The following MARCHF1 variants were observed in gnomAD, a reference collection of about 807,000 sequenced individuals.
MARCHF1 encodes the protein E3 ubiquitin-protein ligase MARCHF1.
Under a neutral mutation model 54.2 loss-of-function variants are expected in MARCHF1, and 40 were observed. The observed-to-expected ratio is 0.74, with a 90% CI of 0.57 to 0.96. MARCHF1 has a LOEUF of 0.96. Ranked by LOEUF, MARCHF1 falls within the 40% of genes least tolerant of loss-of-function variation. The pLI, the probability that MARCHF1 is intolerant of heterozygous loss-of-function variation, is 0.00. For synonymous variants in MARCHF1, 236 were observed against 236.3 expected, an observed-to-expected ratio of 1.00 and a Z score of 0.01; for missense variants, 586 against 656.5, an observed-to-expected ratio of 0.89 and a Z score of 1.17.
intron 7 of MARCHF1, among the ~76,000 whole-genome samples, chr4:163,590,081 T>TGTGTGTGTGTGTGTGTGTGC (rs1418994546): frequency 1.3e-5 from 2 of 151,798 alleles, no homozygotes; most frequent in East Asian, 1.9e-4. Context: ...TGTGTGTGTG[T>TGTGTGTGTGTGTGTGTGTGC]GCTTCACATC....
intron 5 of MARCHF1, among the ~76,000 whole-genome samples, chr4:163,662,294 T>G (rs1412129137): frequency 6.6e-6 from 1 of 152,004 alleles, no homozygotes; most frequent in Non-Finnish European, 1.5e-5. Flanking sequence ...TTTTATTTCT[T>G]ATTCATCTTA....
At chr4:163,693,174 A>G (rs889662836) in intron 5 of MARCHF1, among the ~76,000 whole-genome samples, 2 of 151,388 alleles carry the variant, frequency 1.3e-5, no homozygotes, top group Admixed American at 1.3e-4. Context: ...CTTTGTTAGG[A>G]TATCTGTGTC....
chr4:163,577,008 C>CT (rs914055939), intron 8 of MARCHF1, among the ~76,000 whole-genome samples: 19 of 151,550 alleles, frequency 1.3e-4, no homozygotes, highest in Non-Finnish European at 2.2e-4. Flanking sequence ...TTCTTTTTTC[C>CT]TTTTTTTTAA....
chr4:164,309,089 T>C (rs192215929), intron 1 of MARCHF1, among the ~76,000 whole-genome samples: 77 of 152,006 alleles, frequency 5.1e-4, no homozygotes, highest in African/African-American at 1.5e-3. Flanking sequence ...TGGAGAAAAA[T>C]TGAGCTGCAA....
chr4:164,226,415 G>T (rs1732254927), intron 1 of MARCHF1, among the ~76,000 whole-genome samples: 1 of 151,864 alleles, frequency 6.6e-6, no homozygotes, highest in Non-Finnish European at 1.5e-5. Flanking sequence ...AAATAGATTG[G>T]GGAGTAGACC....
chr4:163,738,160 G>C (rs1746101578), intron 4 of MARCHF1, among the ~76,000 whole-genome samples: 1 of 152,184 alleles, frequency 6.6e-6, no homozygotes, highest in Non-Finnish European at 1.5e-5. Flanking sequence ...GAAGGGGCTA[G>C]AGGAGAGTCT....
intron 1 of MARCHF1, among the ~76,000 whole-genome samples, chr4:164,259,812 G>C (rs967502176): frequency 5.9e-5 from 9 of 152,092 alleles, no homozygotes; most frequent in African/African-American, 1.7e-4. Context: ...GCTTAAGATA[G>C]CTCAGCTCTT....
At chr4:164,253,332 G>GTAA (rs1733178518) in intron 1 of MARCHF1, among the ~76,000 whole-genome samples, 1 of 152,114 alleles carries the variant, frequency 6.6e-6, no homozygotes, top group Non-Finnish European at 1.5e-5. Context: ...TTAGAAAGTG[G>GTAA]ACTACTCAAC....
Position 164,144,982 on chromosome 4 carries a change from A to G in MARCHF1, c.-322-33320T>C, listed in dbSNP as rs554874374. On this transcript the variant is annotated intron_variant, in intron 1 of 9. Transcript: ENST00000514618. ...CAAATAGATGCAATAAAAAATGATA[A>G]AGGGGATATCACCACCGATCCCACA... 1.3e-4 allele frequency among the ~76,000 whole-genome samples: 18 copies of G among 134,526 alleles called. No homozygotes were observed. In the South Asian group the frequency reaches 4.3e-3, roughly 32 times the overall value. The allele number at this position is 134,526 out of a possible 152,430, so 88.3% of individuals were successfully genotyped here.
At position 163,746,534 on chromosome 4, in the gene MARCHF1, G is replaced by A. The variant is rs527292077; in HGVS notation, c.112-45671C>T. 2.6e-5 allele frequency among the ~76,000 whole-genome samples: 4 copies of A among 152,256 alleles called. No individual in the cohort carries two copies. The South Asian group carries it at 8.3e-4, about 32-fold the overall frequency. ...TCATGCTGGTAAATACCAACGAATG[G>A]ATTTCTGGATGGTGTGATAACAGTT... On this transcript the variant is annotated intron_variant, in intron 4 of 9. Coordinates refer to ENST00000514618, the MANE Select transcript of MARCHF1 (RefSeq NM_001394959.1).
intron 3 of MARCHF1, among the ~76,000 whole-genome samples, chr4:163,896,662 C>G (rs1359667023): frequency 3.3e-5 from 5 of 152,076 alleles, no homozygotes; most frequent in Non-Finnish European, 4.4e-5. Context: ...ATAAGTTTTC[C>G]TGACATCTAT....
rs1255419535 is a variant in MARCHF1 at position 163,745,038 on chromosome 4, T to A, written c.112-44175A>T. 2.0e-5 allele frequency among the ~76,000 whole-genome samples: 3 copies of A among 151,966 alleles called. No homozygotes were observed. The East Asian group carries it at 5.8e-4, about 29-fold the overall frequency. On this transcript the variant is annotated intron_variant, in intron 4 of 9. Coordinates refer to ENST00000514618, the MANE Select transcript of MARCHF1 (RefSeq NM_001394959.1). ...TTACTTATTTTAAACAGCTTAGCAA[T>A]CTCACGCCAGAAGTGAAACTTTTCA...
At chr4:163,813,010 A>G (rs1007210629) in intron 4 of MARCHF1, among the ~76,000 whole-genome samples, 3 of 152,210 alleles carry the variant, frequency 2.0e-5, no homozygotes, top group Non-Finnish European at 2.9e-5. Context: ...TATTATAGTT[A>G]AATGAGCTAT....
chr4:164,007,529 G>A (rs748168055), intron 2 of MARCHF1, among the ~76,000 whole-genome samples: 5 of 151,598 alleles, frequency 3.3e-5, no homozygotes, highest in Non-Finnish European at 7.4e-5. Flanking sequence ...AACAATAATA[G>A]CTATAGCAAC....
intron 2 of MARCHF1, among the ~76,000 whole-genome samples, chr4:164,051,335 G>A (rs1333770267): frequency 2.6e-5 from 4 of 152,064 alleles, no homozygotes; most frequent in Admixed American, 6.6e-5. Flanking sequence ...TAGCCAACTC[G>A]ATAATTGCAC....
intron 2 of MARCHF1, among the ~76,000 whole-genome samples, chr4:164,057,910 G>A (rs780065593): frequency 1.3e-5 from 2 of 152,052 alleles, no homozygotes; most frequent in Non-Finnish European, 2.9e-5. Context: ...AAGAAAATGT[G>A]GCACATATAC....
At position 163,832,637 on chromosome 4, in the gene MARCHF1, G is replaced by A. The variant is rs1013857924; in HGVS notation, c.111+21384C>T. 3.3e-3 allele frequency among the ~76,000 whole-genome samples: 503 copies of A among 150,580 alleles called. 13 individuals carry two copies. The highest frequency in any genetic ancestry group is 8.9e-4 in the Non-Finnish European group (60 of 67,688). On this transcript the variant is annotated intron_variant, in intron 4 of 9. Transcript: ENST00000514618. ...AAGTTTTAGGGTACATGTGCACAAC[G>A]TGCAGGTTAGTTACATATGTATACA... is the stretch of plus-strand genomic sequence containing the variant.
At chr4:163,756,676 GAGC>G (rs1422508632) in intron 4 of MARCHF1, among the ~76,000 whole-genome samples, 1 of 139,060 alleles carries the variant, frequency 7.2e-6, no homozygotes, top group Non-Finnish European at 1.6e-5. Flanking sequence ...CAAAGAAAAT[GAGC>G]AGGAGAAAAA....
At chr4:164,119,636 A>C (rs1369340552) in intron 1 of MARCHF1, among the ~76,000 whole-genome samples, 1 of 150,854 alleles carries the variant, frequency 6.6e-6, no homozygotes, top group Non-Finnish European at 1.5e-5. Flanking sequence ...AAATGACACC[A>C]ACTGAGAATT....
Sources: allele counts gnomAD v4.1 joint callset (sites outside exome capture counted in the v4.1 genomes callset), GRCh38; gene constraint gnomAD v4.1.1; transcripts MANE v1.5; gene names NCBI Gene and HGNC (gene_info 2026-07-23, HGNC 2026-07-21).